The following GPX4 variants were observed in gnomAD, a reference collection of about 807,000 sequenced individuals.
The protein encoded by GPX4 is phospholipid hydroperoxide glutathione peroxidase GPX4.
Under a neutral mutation model 27.8 loss-of-function variants are expected in GPX4, and 28 were observed. That is an observed-to-expected ratio of 1.01 (90% CI 0.75 to 1.38). The LOEUF is 1.38. Ranked by LOEUF, GPX4 falls within the 40% of genes most tolerant of loss-of-function variation. GPX4 has a pLI of 0.00. For synonymous variants in GPX4, 163 were observed against 107.8 expected (o/e 1.51, Z -3.17); for missense variants, 357 against 274.1 (o/e 1.30, Z -2.14).
intron 4 of GPX4, 164 bp from the exon 5 acceptor site, chr19:1,106,078 C>T (rs1171253964): frequency 2.7e-5 from 18 of 671,494 alleles, no homozygotes; most frequent in Non-Finnish European, 3.8e-5. Context: ...GACTCTCACA[C>T]TGCATGGCCT....
chr19:1,105,523 G>A lies in GPX4; in HGVS notation c.324+13G>A, dbSNP rs1280519708. ...GTTCGGGAAGCAGGTGGGCTGCTGC[G>A]TCCCCGGGGCCCGCAGAGGCGGGTG... On this transcript the variant is annotated intron_variant, in intron 3 of 6. Transcript: ENST00000354171. The A allele has an allele frequency of 6.2e-7, 1 of 1,611,632 alleles. No homozygotes were observed. The highest frequency in any genetic ancestry group is 2.2e-5 in the East Asian group (1 of 44,860).
chr19:1,104,524 G>T (rs981525710), intron 1 of GPX4: 6 of 602,964 alleles, frequency 1.0e-5, no homozygotes, highest in Non-Finnish European at 1.3e-5. Flanking sequence ...GGGCGTCTCC[G>T]GGCCGAGCGG....
chr19:1,104,653 C>T lies in GPX4; in HGVS notation c.84+526C>T, dbSNP rs990362674. 2.4e-5 allele frequency: 24 copies of T among 985,350 alleles called. No individual in the cohort carries two copies. The African/African-American group carries it at 3.1e-4, about 13-fold the overall frequency. The allele number at this position is 985,350 out of a possible 1,614,324, so 61.0% of individuals were successfully genotyped here. A position where few individuals can be genotyped will look rare whatever the true frequency, so the allele number is the denominator to read the frequency against. On this transcript the variant is annotated intron_variant, in intron 1 of 6. Transcript: ENST00000354171. The stretch of plus-strand genomic sequence containing the variant: ...CGCGGTGGCGTCACAGTCGCGCAGT[C>T]CTGACTACGGCCTCCGGGCCCTTTG...
In GPX4 at chr19:1,106,273, G is replaced by A. The variant is rs903275723; in HGVS notation, c.501+7G>A. 2 of 1,605,972 alleles carry A rather than the reference G, an allele frequency of 1.2e-6. No homozygotes were observed. Among genetic ancestry groups the A allele is most frequent in the Non-Finnish European group, 8.5e-7 (1 of 1,174,288 alleles). ...CAAGTGGAACTTCACCAAGGTAAGGGGGCTGTGGGGGGTAGGGGACCAGCT... is the reference window on the plus strand; with the variant it reads ...CAAGTGGAACTTCACCAAGGTAAGGAGGCTGTGGGGGGTAGGGGACCAGCT... On this transcript the variant is annotated splice_region_variant and intron_variant, in intron 5 of 6. Transcript: ENST00000354171.
chr19:1,105,852 G>GA, intron 4 of GPX4, 43 bp downstream of exon 4: 1 of 1,489,974 alleles, frequency 6.7e-7, no homozygotes, highest in Non-Finnish European at 9.1e-7. Context: ...GGGTGGGGGT[G>GA]GGGGGGCTGC....
rs779891202 is a variant in GPX4 at position 1,106,448 on chromosome 19, G to C, written c.550G>C (p.Glu184Gln). 2.5e-6 allele frequency: 4 copies of C among 1,613,272 alleles called. No homozygotes were observed. The Admixed American group carries it at 6.7e-5, about 27-fold the overall frequency. ...GCVVKRYGPM[E>Q]EPLVIEKDLP... ...CGTGGTGAAGCGCTACGGACCCATG[G>C]AGGAGCCCCTGGTAGGTCCTCTCTA... Residue 184 changes from glutamate to glutamine, a missense_variant, in exon 6 of 7, where the codon GAG (glutamate) becomes CAG (glutamine). Transcript: ENST00000354171.
chr19:1,105,062 A>G (rs771121995), intron 1 of GPX4, 124 bp from the exon 2 acceptor site: 7 of 1,474,976 alleles, frequency 4.7e-6, no homozygotes, highest in African/African-American at 1.4e-5. Flanking sequence ...AGGAGCGTTC[A>G]GGTCTTCAGG....
rs199787199 is a variant in GPX4 at position 1,105,673 on chromosome 19, G to A, written c.340G>A (p.Glu114Lys). 1.0e-4 allele frequency: 165 copies of A among 1,612,938 alleles called. No individual in the cohort carries two copies. Among genetic ancestry groups the A allele is most frequent in the South Asian group, 4.4e-5 (4 of 91,002 alleles). ...GCCGCCACAGGAGCCAGGGAGTAAC[G>A]AAGAGATCAAAGAGTTCGCCGCGGG... ...QFGKQEPGSN[E>K]EIKEFAAGYN... The change falls in exon 4 of 7, where the codon GAA (glutamate) becomes AAA (lysine). Residue 114 changes from glutamate to lysine, a missense_variant. Transcript: ENST00000354171.
At chr19:1,105,845 T>C in intron 4 of GPX4, 36 bp downstream of exon 4, 2 of 91,736 alleles carry the variant, frequency 2.2e-5, no homozygotes, top group South Asian at 4.9e-5. Flanking sequence ...GCTGCTGGGG[T>C]GGGGGTGGGG....
intron 5 of GPX4, 59 bp from the exon 6 acceptor site, chr19:1,106,341 A>C: frequency 6.2e-7 from 1 of 1,609,498 alleles, no homozygotes; most frequent in Non-Finnish European, 8.5e-7. Context: ...GCGGACAGGA[A>C]GGGCAGCCTC....
intron 5 of GPX4, 24 bp from the exon 6 acceptor site, chr19:1,106,376 A>T: frequency 6.2e-7 from 1 of 1,613,382 alleles, no homozygotes; most frequent in South Asian, 1.1e-5. Context: ...GTGGCCCCAC[A>T]GTTTGGACAC....
Position 1,105,916 on chromosome 19 carries a change from G to A in GPX4, c.476+107G>A. On this transcript the variant is annotated intron_variant, in intron 4 of 6. Transcript: ENST00000354171. ...ATGGCTCATGGCTCGGGGGGCGGTT[G>A]CGGGGAGGTGCTGGGACTCTCACAT... The A allele has an allele frequency of 2.3e-6, 3 of 1,328,148 alleles. No homozygotes were observed. In the South Asian group the frequency reaches 4.2e-5, roughly 18 times the overall value. The allele number at this position is 1,328,148 out of a possible 1,614,324, so 82.3% of individuals were successfully genotyped here. A position where few individuals can be genotyped will look rare whatever the true frequency, so the allele number is the denominator to read the frequency against.
intron 1 of GPX4, chr19:1,104,829 C>A: frequency 1.5e-5 from 16 of 1,064,362 alleles, no homozygotes; most frequent in Non-Finnish European, 1.8e-5. Flanking sequence ...CGGCGGAAGG[C>A]CCCAGCGTGC....
At chr19:1,104,377 G>A in intron 1 of GPX4, 1 of 442,764 alleles carries the variant, frequency 2.3e-6, no homozygotes, top group Non-Finnish European at 3.9e-6. Context: ...TGTTCCACGC[G>A]CGCGGGTCGT....
At chr19:1,104,828 G>A (rs778959445) in intron 1 of GPX4, 11 of 1,055,668 alleles carry the variant, frequency 1.0e-5, no homozygotes, top group Admixed American at 4.4e-5. Context: ...GCGGCGGAAG[G>A]CCCCAGCGTG....
intron 5 of GPX4, 39 bp downstream of exon 5, chr19:1,106,305 G>A: frequency 6.2e-7 from 1 of 1,605,282 alleles, no homozygotes; most frequent in Non-Finnish European, 8.5e-7. Flanking sequence ...AGCTTCCCCT[G>A]GCCACAGCCG....
chr19:1,106,565 A>G lies in GPX4; in HGVS notation c.587A>G (p.Tyr196Cys), dbSNP rs2079660787. Residue 196 changes from tyrosine to cysteine, a missense_variant, in exon 7 of 7, where the codon TAT (tyrosine) becomes TGT (cysteine). Coordinates refer to ENST00000354171, the MANE Select transcript of GPX4 (RefSeq NM_002085.5). ...PLVIEKDLPH[Y>C]F ...GTGATAGAGAAGGACCTGCCCCACT[A>G]TTTCTAGCTCCACAAGTGTGTGGCC... 1 of 1,613,162 alleles carries G rather than the reference A, an allele frequency of 6.2e-7. No individual in the cohort carries two copies. The highest frequency in any genetic ancestry group is 8.5e-7 in the Non-Finnish European group (1 of 1,179,774).
At chr19:1,104,923 G>T (rs1232397214) in intron 1 of GPX4, 2 of 1,449,478 alleles carry the variant, frequency 1.4e-6, no homozygotes, top group East Asian at 2.5e-5. Context: ...CCAAGTCCCA[G>T]GACCCGGTGC....
Position 1,106,107 on chromosome 19 carries a change from T to TG in GPX4, c.477-128dup, listed in dbSNP as rs1010053294. Reference sequence around the variant, plus strand: ...ATGGCCTCCTGGGGTAAGATGGCTCTGGGGGGGCTTGGGGGCACTGTGGCT... The same window carrying TG: ...ATGGCCTCCTGGGGTAAGATGGCTCTGGGGGGGGCTTGGGGGCACTGTGGCT... On this transcript the variant is annotated intron_variant, in intron 4 of 6. Transcript: ENST00000354171. 46 of 467,664 alleles carry TG rather than the reference T, an allele frequency of 9.8e-5. No individual in the cohort carries two copies. The African/African-American group carries it at 1.2e-3, about 13-fold the overall frequency. The allele number at this position is 467,664 out of a possible 1,614,324, so 29.0% of individuals were successfully genotyped here.
Sources: allele counts gnomAD v4.1 joint callset, GRCh38; gene constraint gnomAD v4.1.1; transcripts MANE v1.5; gene names NCBI Gene and HGNC (gene_info 2026-07-23, HGNC 2026-07-21).